DLD: variants seen among roughly 807,000 people sequenced by gnomAD.
DLD encodes dihydrolipoyl dehydrogenase, mitochondrial.
A neutral mutation model predicts 62.2 loss-of-function variants in DLD; 36 were observed. That is an observed-to-expected ratio of 0.58 (90% CI 0.44 to 0.76). The LOEUF (loss-of-function observed/expected upper bound fraction) is 0.76. DLD is among the 30% of genes least tolerant of loss of function. DLD has a pLI of 0.00. For synonymous variants in DLD, 204 were observed against 199.6 expected (o/e 1.02, Z -0.19); for missense variants, 541 against 608.6 (o/e 0.89, Z 1.17).
In DLD at chr7:107,911,085, T is replaced by C. The variant is rs75295641; in HGVS notation, c.685-4421T>C. On this transcript the variant is annotated intron_variant, in intron 8 of 13. Transcript: ENST00000205402. ...TCATAGAGTTGTAGAGCTGTTACCATTGTCTAACTCTAGAACATTTTCATC... is the reference window on the plus strand; with the variant it reads ...TCATAGAGTTGTAGAGCTGTTACCACTGTCTAACTCTAGAACATTTTCATC... Among the ~76,000 whole-genome samples, 1,388 of 152,264 alleles carry C rather than the reference T, an allele frequency of 9.1e-3. 18 individuals carry two copies. Among genetic ancestry groups the C allele is most frequent in the African/African-American group, 0.032 (1,317 of 41,570 alleles).
chr7:107,900,701 A>G (rs1238931330), intron 2 of DLD, among the ~76,000 whole-genome samples: 1 of 152,176 alleles, frequency 6.6e-6, no homozygotes, highest in Non-Finnish European at 1.5e-5. Context: ...TAGACAAGTT[A>G]ATTGACCTCT....
At chr7:107,909,839 C>CTTTTTT (rs71134292) in intron 8 of DLD, among the ~76,000 whole-genome samples, 30 of 73,056 alleles carry the variant, frequency 4.1e-4, no homozygotes, top group East Asian at 1.0e-3. Flanking sequence ...GGAGAATTAA[C>CTTTTTT]TTTTTTTTTT....
In DLD at chr7:107,905,537, A is replaced by G. The variant is rs756296640; in HGVS notation, c.582+33A>G. ...TGCTTCATAATTTACAACCATTACA[A>G]CTTTTCTTTAGAAATACGTTTTATA... On this transcript the variant is annotated intron_variant, in intron 7 of 13. Coordinates refer to ENST00000205402, the MANE Select transcript of DLD (RefSeq NM_000108.5). 4 of 1,605,918 alleles carry G rather than the reference A, an allele frequency of 2.5e-6. No homozygotes were observed. The South Asian group carries it at 3.3e-5, about 13-fold the overall frequency.
At chr7:107,915,139 C>G (rs1025954903) in intron 8 of DLD, among the ~76,000 whole-genome samples, 17 of 152,308 alleles carry the variant, frequency 1.1e-4, no homozygotes, top group African/African-American at 3.8e-4. Context: ...GGTCCTAGTT[C>G]TACTTCCTGT....
chr7:107,913,846 C>T (rs2032201853), intron 8 of DLD, among the ~76,000 whole-genome samples: 1 of 152,040 alleles, frequency 6.6e-6, no homozygotes, highest in Non-Finnish European at 1.5e-5. Context: ...TTTTCCCATT[C>T]AGTATGATGT....
At chr7:107,899,120 A>G (rs1404486970) in intron 2 of DLD, among the ~76,000 whole-genome samples, 1 of 152,108 alleles carries the variant, frequency 6.6e-6, no homozygotes, top group Non-Finnish European at 1.5e-5. Context: ...ACAGTACCAC[A>G]TATGTGCTCA....
intron 8 of DLD, among the ~76,000 whole-genome samples, chr7:107,907,452 C>T (rs1562916406): frequency 6.6e-6 from 1 of 152,128 alleles, no homozygotes; most frequent in Admixed American, 6.5e-5. Flanking sequence ...TGTGGATGAC[C>T]TTGTCTTTTA....
chr7:107,908,213 C>T (rs1247527365), intron 8 of DLD, among the ~76,000 whole-genome samples: 2 of 148,848 alleles, frequency 1.3e-5, no homozygotes, highest in African/African-American at 2.5e-5. Flanking sequence ...TGCAGTGGCG[C>T]GATCTCGGCT....
intron 1 of DLD, among the ~76,000 whole-genome samples, chr7:107,892,955 G>C (rs533829650): frequency 6.6e-6 from 1 of 152,174 alleles, no homozygotes; most frequent in Non-Finnish European, 1.5e-5. Flanking sequence ...AGTTAAATAT[G>C]AGATGATTTG....
chr7:107,895,875 TAC>T (rs1201990900), intron 2 of DLD, among the ~76,000 whole-genome samples: 8 of 152,116 alleles, frequency 5.3e-5, no homozygotes, highest in Admixed American at 3.9e-4. Context: ...CATTTATATA[TAC>T]ACACACACAG....
intron 2 of DLD, among the ~76,000 whole-genome samples, chr7:107,900,095 G>A (rs2031839605): frequency 6.6e-6 from 1 of 152,018 alleles, no homozygotes; most frequent in African/African-American, 2.4e-5. Flanking sequence ...TTCATGTATT[G>A]AAATGACTAT....
intron 8 of DLD, among the ~76,000 whole-genome samples, chr7:107,914,512 T>C (rs1329106622): frequency 6.6e-6 from 1 of 152,188 alleles, no homozygotes; most frequent in Non-Finnish European, 1.5e-5. Flanking sequence ...TATTGGATTT[T>C]ACATTTAGGT....
chr7:107,904,563 G>T, intron 5 of DLD: 1 of 392,520 alleles, frequency 2.5e-6, no homozygotes. Context: ...TTTTAAACGT[G>T]TATTTTTTAT....
intron 5 of DLD, 48 bp from the exon 6 acceptor site, chr7:107,904,910 G>C (rs556545437): frequency 1.1e-5 from 15 of 1,414,972 alleles, no homozygotes; most frequent in East Asian, 2.3e-5. Flanking sequence ...ACTGCATATT[G>C]CTTCAAGAAT....
chr7:107,912,877 C>G (rs1426112490), intron 8 of DLD, among the ~76,000 whole-genome samples: 1 of 152,162 alleles, frequency 6.6e-6, no homozygotes, highest in African/African-American at 2.4e-5. Flanking sequence ...TTTGCCCAGA[C>G]CAGTGTCCTG....
At position 107,901,756 on chromosome 7, in the gene DLD, T is replaced by C; in HGVS notation, c.137T>C (p.Val46Ala). The C allele has an allele frequency of 1.2e-6, 2 of 1,613,596 alleles. No homozygotes were observed. The highest frequency in any genetic ancestry group is 1.7e-6 in the Non-Finnish European group (2 of 1,179,618). ...ATCGTAGTTGATGCTGATGTAACAGTTATAGGTTCTGGTCCTGGAGGATAT... is the reference window on the plus strand; with the variant it reads ...ATCGTAGTTGATGCTGATGTAACAGCTATAGGTTCTGGTCCTGGAGGATAT... ...ADQPIDADVT[V>A]IGSGPGGYVA... The change falls in exon 3 of 14, where the codon GTT becomes GCT. Residue 46 changes from valine (V) to alanine (A), a missense_variant. Val to Ala is a moderately conservative substitution (Grantham distance 64). Coordinates refer to ENST00000205402, the MANE Select transcript of DLD (RefSeq NM_000108.5).
rs559054288 is a variant in DLD, at chr7:107,901,628, T to G, written c.119-110T>G. The G allele has an allele frequency of 5.2e-5, 44 of 853,182 alleles. No individual in the cohort carries two copies. The African/African-American group carries it at 5.2e-4, about 10-fold the overall frequency. The allele number at this position is 853,182 out of a possible 1,614,324, so 52.9% of individuals were successfully genotyped here. On this transcript the variant is annotated intron_variant, in intron 2 of 13. Coordinates refer to ENST00000205402, the MANE Select transcript of DLD (RefSeq NM_000108.5). ...CAGAAACTATGTAGAAAATGCTGAT[T>G]TGTACTGTAAGAGGTTTAAGTATCG...
intron 8 of DLD, among the ~76,000 whole-genome samples, 175 bp from the exon 9 acceptor site, chr7:107,915,331 A>G (rs2032240452): frequency 6.6e-6 from 1 of 152,260 alleles, no homozygotes; most frequent in Non-Finnish European, 1.5e-5. Context: ...GAGTAAGTTA[A>G]TAAATGTATG....
intron 4 of DLD, 21 bp from the exon 5 acceptor site, chr7:107,903,457 G>C (rs1271616384): frequency 7.2e-7 from 1 of 1,395,350 alleles, no homozygotes; most frequent in Non-Finnish European, 1.0e-6. Context: ...TTGATAATTT[G>C]ATCTTTTTAA....
Sources: allele counts gnomAD v4.1 joint callset (sites outside exome capture counted in the v4.1 genomes callset), GRCh38; gene constraint gnomAD v4.1.1; transcripts MANE v1.5; gene names NCBI Gene and HGNC (gene_info 2026-07-23, HGNC 2026-07-21).